CHAT: variants seen among roughly 807,000 people sequenced by gnomAD.
CHAT encodes the protein choline O-acetyltransferase, also known as acetyl CoA:choline O-acetyltransferase.
CHAT carries 61 observed loss-of-function variants against 76.9 expected under a neutral mutation model. That is an observed-to-expected ratio of 0.79 (90% CI 0.65 to 0.98). CHAT has a LOEUF of 0.98. CHAT is among the 50% of genes least tolerant of loss of function. CHAT has a pLI of 0.00. For missense variants in CHAT, 946 were observed against 986.9 expected, an observed-to-expected ratio of 0.96 and a Z score of 0.56; for synonymous variants, 407 against 397.4, an observed-to-expected ratio of 1.02 and a Z score of -0.29.
At chr10:49,634,785 A>G (rs1043618080) in intron 7 of CHAT, among the ~76,000 whole-genome samples, 4 of 152,078 alleles carry the variant, frequency 2.6e-5, no homozygotes, top group Non-Finnish European at 4.4e-5. Context: ...TGGAAGCCTG[A>G]CAGCTCTTTA....
chr10:49,614,006 A>G, upstream of CHAT: 1 of 1,096,960 alleles, frequency 9.1e-7, no homozygotes, highest in South Asian at 1.5e-5. Flanking sequence ...CAAGGCTGGA[A>G]TAATGGGGTT....
intron 8 of CHAT, chr10:49,647,183 A>T: frequency 5.6e-6 from 1 of 178,716 alleles, no homozygotes. Flanking sequence ...ACAGCCCAGC[A>T]TCTCCATGGA....
chr10:49,627,477 T>C, intron 6 of CHAT, 131 bp from the exon 7 acceptor site: 1 of 940,806 alleles, frequency 1.1e-6, no homozygotes, highest in Non-Finnish European at 1.7e-6. Flanking sequence ...AAACTGAGAC[T>C]AGAACCACCA....
chr10:49,614,843 G>T (rs1255730808), intron 1 of CHAT, among the ~76,000 whole-genome samples: 3 of 152,250 alleles, frequency 2.0e-5, no homozygotes, highest in African/African-American at 4.8e-5. Flanking sequence ...GGGAGCAGGG[G>T]GTGGGGAAGG....
intron 9 of CHAT, 73 bp from the exon 10 acceptor site, chr10:49,649,435 A>C (rs773392409): frequency 8.1e-5 from 130 of 1,608,472 alleles, no homozygotes; most frequent in Non-Finnish European, 1.1e-4. Flanking sequence ...AGATGATTGC[A>C]CAGAGCAAAG....
intron 13 of CHAT, among the ~76,000 whole-genome samples, chr10:49,657,794 G>A (rs1195368485): frequency 6.6e-6 from 1 of 152,178 alleles, no homozygotes; most frequent in Non-Finnish European, 1.5e-5. Context: ...AACACTCACA[G>A]AAACTGATGG....
intron 7 of CHAT, among the ~76,000 whole-genome samples, chr10:49,636,885 T>C (rs980160138): frequency 3.0e-4 from 46 of 152,366 alleles, no homozygotes; most frequent in African/African-American, 1.0e-3. Context: ...TGGTAGTTTA[T>C]ACTTTTCAAG....
chr10:49,609,494 G>A (rs544368000), upstream of CHAT, among the ~76,000 whole-genome samples: 1 of 152,180 alleles, frequency 6.6e-6, no homozygotes, highest in Non-Finnish European at 1.5e-5. Flanking sequence ...GGCGGAGCTG[G>A]GGGACCAGAC....
upstream of CHAT, among the ~76,000 whole-genome samples, chr10:49,609,655 C>CACAA (rs1838237109): frequency 6.6e-6 from 1 of 151,958 alleles, no homozygotes; most frequent in Non-Finnish European, 1.5e-5. Context: ...GATTCGCGGC[C>CACAA]GAGAAATTCT....
intron 9 of CHAT, among the ~76,000 whole-genome samples, chr10:49,648,902 G>T (rs1048862381): frequency 6.6e-6 from 1 of 152,130 alleles, no homozygotes; most frequent in Admixed American, 6.5e-5. Context: ...AGCCTACATC[G>T]ATACCTATTG....
At chr10:49,654,004 T>C (rs904593923) in intron 11 of CHAT, among the ~76,000 whole-genome samples, 1 of 152,264 alleles carries the variant, frequency 6.6e-6, no homozygotes, top group Non-Finnish European at 1.5e-5. Context: ...AAAGAGGATC[T>C]GCTTCCCATG....
In CHAT at chr10:49,666,465, C is replaced by T. The variant is rs979619257; in HGVS notation, c.*1419C>T. Among the ~76,000 whole-genome samples the T allele has an allele frequency of 1.3e-5, 2 of 152,190 alleles. No individual in the cohort carries two copies. Among genetic ancestry groups the T allele is most frequent in the South Asian group, 4.1e-4 (2 of 4,826 alleles). On this transcript the variant is annotated 3_prime_UTR_variant, in exon 15 of 15. Coordinates refer to ENST00000337653, the MANE Select transcript of CHAT (RefSeq NM_020549.5). ...CCAGAGAAATCTACAGCATAGAGCC[C>T]GTGTGTTCTGCTCCACATCCCTCCA...
chr10:49,643,469 C>T (rs1017009094), intron 7 of CHAT, among the ~76,000 whole-genome samples: 4 of 152,192 alleles, frequency 2.6e-5, no homozygotes, highest in African/African-American at 7.2e-5. Context: ...AAGGCCTCCC[C>T]GGGGCTCTGA....
At chr10:49,621,440 T>A (rs1446048811) in intron 4 of CHAT, among the ~76,000 whole-genome samples, 1 of 152,190 alleles carries the variant, frequency 6.6e-6, no homozygotes, top group African/African-American at 2.4e-5. Context: ...TGAGGGGGTA[T>A]TTTCCTCCTG....
chr10:49,656,103 A>C (rs903270976), intron 13 of CHAT, among the ~76,000 whole-genome samples: 26 of 152,192 alleles, frequency 1.7e-4, no homozygotes, highest in African/African-American at 5.8e-4. Flanking sequence ...ATAATCTATG[A>C]GAAGGAGCTG....
chr10:49,655,790 C>T (rs149282986), intron 13 of CHAT, among the ~76,000 whole-genome samples: 2 of 152,282 alleles, frequency 1.3e-5, no homozygotes, highest in East Asian at 1.9e-4. Flanking sequence ...GCCTGGCAAG[C>T]GATGGGGGTC....
intron 6 of CHAT, among the ~76,000 whole-genome samples, chr10:49,626,103 T>G (rs1838912614): frequency 6.6e-6 from 1 of 152,170 alleles, no homozygotes; most frequent in Non-Finnish European, 1.5e-5. Flanking sequence ...AGAGGGGGCC[T>G]TAGGATCTCT....
chr10:49,665,980 C>T lies in CHAT; in HGVS notation c.*934C>T, dbSNP rs899756927. On this transcript the variant is annotated 3_prime_UTR_variant, in exon 15 of 15. Transcript: ENST00000337653. Reference sequence around the variant, plus strand: ...GAGAGATGGTTACTTTGGGTTTTTCCATTATCTGTTTTGTTTTAAGACAGA... The same window carrying T: ...GAGAGATGGTTACTTTGGGTTTTTCTATTATCTGTTTTGTTTTAAGACAGA... Among the ~76,000 whole-genome samples, 2 of 152,168 alleles carry T rather than the reference C, an allele frequency of 1.3e-5. No homozygotes were observed. Among genetic ancestry groups the T allele is most frequent in the Admixed American group, 6.5e-5 (1 of 15,282 alleles).
At chr10:49,634,881 G>A (rs1159567934) in intron 7 of CHAT, among the ~76,000 whole-genome samples, 1 of 152,038 alleles carries the variant, frequency 6.6e-6, no homozygotes, top group Non-Finnish European at 1.5e-5. Flanking sequence ...AAATTAAATT[G>A]TACTTATTTT....
Sources: gnomAD v4.1 joint callset for allele counts (sites outside exome capture counted in the v4.1 genomes callset) on GRCh38, gnomAD v4.1.1 for gene constraint, MANE v1.5 for transcripts, NCBI Gene and HGNC (gene_info 2026-07-23, HGNC 2026-07-21) for gene names.